The following BRWD1 variants were observed in gnomAD, a reference collection of about 807,000 sequenced individuals.
BRWD1 encodes the protein bromodomain and WD repeat domain containing 1, also known as bromodomain and WD repeat-containing protein 1.
Under a neutral mutation model 251.2 loss-of-function variants are expected in BRWD1, and 82 were observed. The ratio of observed to expected loss-of-function variants is 0.33; its 90% CI spans 0.27 to 0.39. BRWD1 has a LOEUF of 0.39. Ranked by LOEUF, BRWD1 falls within the 10% of genes least tolerant of loss-of-function variation. BRWD1 has a pLI of 1.00. For synonymous variants in BRWD1, 918 were observed against 902.8 expected, an observed-to-expected ratio of 1.02 and a Z score of -0.30; for missense variants, 2,233 against 2,711.6, an observed-to-expected ratio of 0.82 and a Z score of 3.92.
Position 39,193,583 on chromosome 21 carries a change from T to C in BRWD1, c.*2676A>G. ...CATAAATGAATAAAACCATAGGACT[T>C]TGGACATACACAACCAAAGTAGTTT... On this transcript the variant is annotated 3_prime_UTR_variant, in exon 41 of 41. Coordinates refer to ENST00000342449, the MANE Select transcript of BRWD1 (RefSeq NM_033656.4). 1 of 985,554 alleles carries C rather than the reference T, an allele frequency of 1.0e-6. No homozygotes were observed. The highest frequency in any genetic ancestry group is 1.2e-6 in the Non-Finnish European group (1 of 829,720). The allele number at this position is 985,554 out of a possible 1,614,324, so 61.1% of individuals were successfully genotyped here.
At chr21:39,257,297 T>C (rs1364221558) in intron 18 of BRWD1, among the ~76,000 whole-genome samples, 1 of 152,006 alleles carries the variant, frequency 6.6e-6, no homozygotes, top group Non-Finnish European at 1.5e-5. Flanking sequence ...GCCAGAAGAA[T>C]GCGTTTATGT....
rs2033824318 is a variant in BRWD1, at chr21:39,236,726, G to A, written c.2635C>T (p.Pro879Ser). The change falls in exon 23 of 41, where the codon CCT becomes TCT. Residue 879 changes from proline (P) to serine (S), a missense_variant. Pro to Ser is a moderately conservative substitution (Grantham distance 74). Around this residue, in one of 12 missense-constraint regions of BRWD1, gnomAD observed 214 missense variants for 222.0 expected, o/e 0.96. Coordinates refer to ENST00000342449, the MANE Select transcript of BRWD1 (RefSeq NM_033656.4). Reference sequence around the variant, plus strand: ...CGTCGACGACATGATGTTCTTAAAGGAGGCTGCAAATTGATGCCCGCATCA... The same window carrying A: ...CGTCGACGACATGATGTTCTTAAAGAAGGCTGCAAATTGATGCCCGCATCA... ...TADAGINLQPPLRTSCRRRIT... is the reference protein window; with the variant it reads ...TADAGINLQPSLRTSCRRRIT... 1 of 1,614,092 alleles carries A rather than the reference G, an allele frequency of 6.2e-7. No homozygotes were observed. The highest frequency in any genetic ancestry group is 8.5e-7 in the Non-Finnish European group (1 of 1,180,014).
intron 8 of BRWD1, among the ~76,000 whole-genome samples, chr21:39,285,110 G>A (rs140932833): frequency 3.3e-5 from 5 of 152,288 alleles, no homozygotes; most frequent in African/African-American, 1.2e-4. Flanking sequence ...AGAAAATGCC[G>A]TGTGTCCGTG....
chr21:39,281,704 C>T (rs893352776), intron 8 of BRWD1, among the ~76,000 whole-genome samples: 1 of 151,974 alleles, frequency 6.6e-6, no homozygotes, highest in African/African-American at 2.4e-5. Context: ...ATGTTGGATG[C>T]CTGTAACATA....
chr21:39,259,110 G>C (rs564689802), intron 17 of BRWD1, among the ~76,000 whole-genome samples: 1 of 152,154 alleles, frequency 6.6e-6, no homozygotes, highest in East Asian at 1.9e-4. Flanking sequence ...TTAAGAAAGG[G>C]GAAAAAAGGG....
Position 39,191,397 on chromosome 21 carries a change from T to C in BRWD1, c.*4862A>G. ...CTAGAATGTATTTGGCTTGGAGTAG[T>C]GTTTTGTTTTGTTTTTTAACTCTTT... is the stretch of plus-strand genomic sequence containing the variant. On this transcript the variant is annotated 3_prime_UTR_variant, in exon 41 of 41. Coordinates refer to ENST00000342449, the MANE Select transcript of BRWD1 (RefSeq NM_033656.4). 1 of 985,226 alleles carries C rather than the reference T, an allele frequency of 1.0e-6. No homozygotes were observed. The highest frequency in any genetic ancestry group is 1.2e-6 in the Non-Finnish European group (1 of 829,820). 61.0% of individuals were successfully genotyped at this position (985,226 alleles called of 1,614,324 possible).
Position 39,192,822 on chromosome 21 carries a change from T to C in BRWD1, c.*3437A>G. The C allele has an allele frequency of 7.1e-6, 7 of 985,102 alleles. No homozygotes were observed. The highest frequency in any genetic ancestry group is 8.4e-6 in the Non-Finnish European group (7 of 829,750). 61.0% of individuals were successfully genotyped at this position (985,102 alleles called of 1,614,324 possible). Reference sequence around the variant, plus strand: ...TCTACTGATATACAAACCTCTGGGGTTTCAGTTGGCACAATCAAGTTCAAC... The same window carrying C: ...TCTACTGATATACAAACCTCTGGGGCTTCAGTTGGCACAATCAAGTTCAAC... On this transcript the variant is annotated 3_prime_UTR_variant, in exon 41 of 41. Transcript: ENST00000342449.
At chr21:39,311,532 GCAC>G (rs1324725178) in intron 4 of BRWD1, among the ~76,000 whole-genome samples, 1 of 152,194 alleles carries the variant, frequency 6.6e-6, no homozygotes, top group Non-Finnish European at 1.5e-5. Context: ...CTCTCAGGTA[GCAC>G]GACAACAGCG....
At position 39,241,942 on chromosome 21, in the gene BRWD1, A is replaced by G. The variant is rs774511098; in HGVS notation, c.2482-3369T>C. 2.6e-5 allele frequency among the ~76,000 whole-genome samples: 4 copies of G among 152,222 alleles called. No individual in the cohort carries two copies. In the South Asian group the frequency reaches 6.2e-4, roughly 24 times the overall value. ...GGGGCACTAGGAACAATACTCATAT[A>G]AGATAGCACACTTAATGAATACCAT... On this transcript the variant is annotated intron_variant, in intron 21 of 40. Coordinates refer to ENST00000342449, the MANE Select transcript of BRWD1 (RefSeq NM_033656.4).
At chr21:39,311,237 A>G (rs2036473493) in intron 4 of BRWD1, among the ~76,000 whole-genome samples, 1 of 152,076 alleles carries the variant, frequency 6.6e-6, no homozygotes, top group Non-Finnish European at 1.5e-5. Flanking sequence ...GCAGGAGGAT[A>G]GTTCAATGCA....
At chr21:39,251,036 A>C in intron 19 of BRWD1, 147 bp from the exon 20 acceptor site, 1 of 571,322 alleles carries the variant, frequency 1.8e-6, no homozygotes, top group Non-Finnish European at 3.0e-6. Context: ...ACATGTTAAA[A>C]ATTTATATGA....
chr21:39,286,905 T>C (rs73903908), intron 8 of BRWD1, among the ~76,000 whole-genome samples: 7,980 of 152,230 alleles, frequency 0.052, 722 homozygotes, highest in African/African-American at 0.18. Context: ...TTGTAATATT[T>C]TTAATCTAGA....
chr21:39,225,464 T>A (rs536347715), intron 27 of BRWD1, among the ~76,000 whole-genome samples: 1 of 152,164 alleles, frequency 6.6e-6, no homozygotes, highest in African/African-American at 2.4e-5. Context: ...TTCATTACAA[T>A]AGAAACATGA....
intron 21 of BRWD1, among the ~76,000 whole-genome samples, chr21:39,243,873 A>G (rs1377315033): frequency 6.6e-6 from 1 of 152,238 alleles, no homozygotes; most frequent in African/African-American, 2.4e-5. Context: ...CAGGAGAGTG[A>G]TAACAGTCAG....
rs761408175 is a variant in BRWD1 at position 39,194,060 on chromosome 21, A to G, written c.*2199T>C. ...GCTTCTGATGAAACCAAATCTGATT[A>G]AAAACCAAAATACCACTTCTGTATG... On this transcript the variant is annotated 3_prime_UTR_variant, in exon 41 of 41. Coordinates refer to ENST00000342449, the MANE Select transcript of BRWD1 (RefSeq NM_033656.4). The G allele has an allele frequency of 1.5e-4, 147 of 985,470 alleles. No individual in the cohort carries two copies. Among genetic ancestry groups the G allele is most frequent in the Non-Finnish European group, 1.7e-4 (144 of 829,754 alleles). The allele number at this position is 985,470 out of a possible 1,614,324, so 61.0% of individuals were successfully genotyped here.
rs113760569 is a variant in BRWD1, at chr21:39,198,964, T to C, written c.5452A>G (p.Ile1818Val). The C allele has an allele frequency of 1.1e-4, 170 of 1,614,078 alleles. 1 individual carries two copies. In the African/African-American group the frequency reaches 2.1e-3, roughly 20 times the overall value. The change falls in exon 40 of 41, where the codon ATT (isoleucine) becomes GTT (valine). Residue 1818 changes from isoleucine (I) to valine (V), a missense_variant. This residue lies in a region of BRWD1 where 928 missense variants were observed against 970.0 expected (regional missense o/e 0.96). Transcript: ENST00000342449. ...TCAGAGTCTTCTGAGTCACTCAGAATCTTGGTTTTTTTAAAGAAACTCGCA... is the reference window on the plus strand; with the variant it reads ...TCAGAGTCTTCTGAGTCACTCAGAACCTTGGTTTTTTTAAAGAAACTCGCA... ...KNASFFKKTK[I>V]LSDSEDSESE...
chr21:39,185,991 T>G lies in BRWD1; in HGVS notation c.*10268A>C, dbSNP rs2031209470. 1 of 152,218 alleles carries G rather than the reference T, an allele frequency of 6.6e-6. No homozygotes were observed. Among genetic ancestry groups the G allele is most frequent in the Non-Finnish European group, 1.5e-5 (1 of 68,006 alleles). The allele number at this position is 152,218 out of a possible 1,614,324, so 9.4% of individuals were successfully genotyped here. On this transcript the variant is annotated 3_prime_UTR_variant, in exon 41 of 41. Transcript: ENST00000342449. The stretch of plus-strand genomic sequence containing the variant: ...TCTTTGTTATACCACGACCAAATTT[T>G]CTAATCCTAGTACAGGCCACAATGA...
intron 8 of BRWD1, among the ~76,000 whole-genome samples, chr21:39,284,594 C>T (rs1269460975): frequency 1.3e-5 from 2 of 152,138 alleles, no homozygotes; most frequent in Non-Finnish European, 2.9e-5. Context: ...ATTTGTTATC[C>T]TTTGTCTTTT....
upstream of BRWD1, chr21:39,315,858 A>G (rs2036693102): frequency 6.6e-6 from 1 of 152,212 alleles, no homozygotes. Flanking sequence ...ATATATCAGA[A>G]GATCAGCTTG....
Sources: allele counts gnomAD v4.1 joint callset (sites outside exome capture counted in the v4.1 genomes callset), GRCh38; gene constraint gnomAD v4.1.1; regional missense constraint gnomAD v4.1.1; transcripts MANE v1.5; gene names NCBI Gene and HGNC (gene_info 2026-07-23, HGNC 2026-07-21).